MAPK8IP1: variants seen among roughly 807,000 people sequenced by gnomAD.
MAPK8IP1 encodes C-Jun-amino-terminal kinase-interacting protein 1.
MAPK8IP1 carries 17 observed loss-of-function variants against 72.6 expected under a neutral mutation model. The ratio of observed to expected loss-of-function variants is 0.23; its 90% confidence interval spans 0.16 to 0.35. MAPK8IP1 has a LOEUF of 0.35. Among genes scored for constraint, MAPK8IP1 ranks in the 10% least tolerant of loss-of-function variants. The pLI is 1.00. For missense variants in MAPK8IP1, 789 were observed against 1,009.7 expected (o/e 0.78, Z 2.96); for synonymous variants, 401 against 443.4 (o/e 0.90, Z 1.20).
chr11:45,898,384 T>A (rs1176076897), intron 2 of MAPK8IP1, among the ~76,000 whole-genome samples, 194 bp downstream of exon 2: 2 of 152,116 alleles, frequency 1.3e-5, no homozygotes, highest in Non-Finnish European at 1.5e-5. Context: ...TTTGGTATTA[T>A]TATTATTATT....
chr11:45,902,619 C>G lies in MAPK8IP1; in HGVS notation c.852C>G (p.Thr284=), dbSNP rs1210619431. 6.2e-7 allele frequency: 1 copy of G among 1,612,866 alleles called. No homozygotes were observed. The highest frequency in any genetic ancestry group is 1.7e-5 in the Admixed American group (1 of 60,006). ...AGGCCACTGAGGAGATCTACCTGAC[C>G]CCAGTGCAGAGGCCCCCAGACGCTG... ...RLEATEEIYL[T]PVQRPPDAAE... is the part of the protein sequence containing the mutation. Residue 284 remains threonine, a synonymous_variant, in exon 5 of 12, where the codon ACC becomes ACG. Coordinates refer to ENST00000241014, the MANE Select transcript of MAPK8IP1 (RefSeq NM_005456.4). This position sits in a 1 kb window ranked among gnomAD's most constrained non-coding sequence, Gnocchi z 9.3.
chr11:45,904,627 T>G lies in MAPK8IP1; in HGVS notation c.1776+63T>G. The G allele has an allele frequency of 6.3e-7, 1 of 1,594,022 alleles. No homozygotes were observed. Among genetic ancestry groups the G allele is most frequent in the Non-Finnish European group, 8.6e-7 (1 of 1,162,030 alleles). ...TCCCTGGGGCAGAGGGACGCAGGTG[T>G]CTAGAGGCAGTAAAGGGCTCAGGCC... is the stretch of plus-strand genomic sequence containing the variant. On this transcript the variant is annotated intron_variant, in intron 8 of 11. Coordinates refer to ENST00000241014, the MANE Select transcript of MAPK8IP1 (RefSeq NM_005456.4). This position sits in a 1 kb window ranked among gnomAD's most constrained non-coding sequence, Gnocchi z 6.4.
At chr11:45,893,091 A>T (rs866858942) in intron 1 of MAPK8IP1, among the ~76,000 whole-genome samples, 2 of 152,192 alleles carry the variant, frequency 1.3e-5, no homozygotes, top group African/African-American at 4.8e-5. Flanking sequence ...CCTCCTCACC[A>T]CAGCACAGCC....
intron 1 of MAPK8IP1, chr11:45,896,595 C>G: frequency 2.3e-6 from 3 of 1,295,774 alleles, no homozygotes; most frequent in Non-Finnish European, 2.0e-6. Context: ...ACAGCGGCAG[C>G]AGCGCAAGGG....
rs1235866629 is a variant in MAPK8IP1, at chr11:45,896,599, G to A, written c.102-1486G>A. ...GGGAGGCGGCCACAGCGGCAGCAGC[G>A]CAAGGGCCAGGCCAGCCGGGAGGAA... On this transcript the variant is annotated intron_variant, in intron 1 of 11. Coordinates refer to ENST00000241014, the MANE Select transcript of MAPK8IP1 (RefSeq NM_005456.4). 3.6e-5 allele frequency: 47 copies of A among 1,312,718 alleles called. No individual in the cohort carries two copies. The South Asian group carries it at 4.8e-4, about 13-fold the overall frequency. The allele number at this position is 1,312,718 out of a possible 1,614,324, so 81.3% of individuals were successfully genotyped here.
At chr11:45,886,122 G>A (rs1456328179) in intron 1 of MAPK8IP1, among the ~76,000 whole-genome samples, 1 of 152,216 alleles carries the variant, frequency 6.6e-6, no homozygotes, top group Non-Finnish European at 1.5e-5. Flanking sequence ...GCATGTTCAC[G>A]AGGCTGTTCC....
intron 1 of MAPK8IP1, chr11:45,897,066 C>T (rs1319161969): frequency 9.0e-7 from 1 of 1,106,074 alleles, no homozygotes; most frequent in Non-Finnish European, 1.3e-6. Flanking sequence ...CCTAGGTTCC[C>T]CTGGGGGCTA....
At chr11:45,896,971 C>T (rs1161440281) in intron 1 of MAPK8IP1, 108 of 1,559,552 alleles carry the variant, frequency 6.9e-5, no homozygotes, top group Non-Finnish European at 8.8e-5. Context: ...CCGGGGCTGG[C>T]GGGGGTGGAG....
chr11:45,900,598 T>C lies in MAPK8IP1; in HGVS notation c.522+146T>C. ...AGGGGCCGCGGTGGCTCGCTCCCGG[T>C]GTTGGGATCCGAGGAGCGGGCAGAA... On this transcript the variant is annotated intron_variant, in intron 3 of 11. Coordinates refer to ENST00000241014, the MANE Select transcript of MAPK8IP1 (RefSeq NM_005456.4). The surrounding 1 kb of genome is among the most constrained non-coding windows in gnomAD (Gnocchi z 6.5). 1 of 923,330 alleles carries C rather than the reference T, an allele frequency of 1.1e-6. No homozygotes were observed. The highest frequency in any genetic ancestry group is 1.6e-6 in the Non-Finnish European group (1 of 632,172). 57.2% of individuals were successfully genotyped at this position (923,330 alleles called of 1,614,324 possible). A position where few individuals can be genotyped will look rare whatever the true frequency, so the allele number is the denominator to read the frequency against.
intron 3 of MAPK8IP1, among the ~76,000 whole-genome samples, chr11:45,901,561 C>G (rs1232262081): frequency 6.6e-6 from 1 of 152,170 alleles, no homozygotes; most frequent in Non-Finnish European, 1.5e-5. Context: ...AGAGAGTCAC[C>G]TGTCTCTGAC....
intron 1 of MAPK8IP1, 118 bp downstream of exon 1, chr11:45,886,039 G>A: frequency 1.7e-6 from 1 of 577,800 alleles, no homozygotes; most frequent in Non-Finnish European, 2.7e-6. Flanking sequence ...GGCTGCGTGG[G>A]AGTGGGGTCT....
intron 1 of MAPK8IP1, chr11:45,896,776 G>A (rs947719579): frequency 1.3e-6 from 2 of 1,520,526 alleles, no homozygotes; most frequent in Non-Finnish European, 1.8e-6. Context: ...AGCGGTGGAG[G>A]CCAGAGGCCC....
intron 1 of MAPK8IP1, among the ~76,000 whole-genome samples, chr11:45,891,717 G>C (rs1000265916): frequency 3.9e-5 from 6 of 152,176 alleles, no homozygotes; most frequent in Admixed American, 3.3e-4. Context: ...GGAGACCACT[G>C]GATCATATAT....
Position 45,900,113 on chromosome 11 carries a change from T to C in MAPK8IP1, c.208-25T>C. The C allele has an allele frequency of 1.7e-6, 2 of 1,199,614 alleles. No homozygotes were observed. The highest frequency in any genetic ancestry group is 4.1e-5 in the South Asian group (1 of 24,566). The allele number at this position is 1,199,614 out of a possible 1,614,324, so 74.3% of individuals were successfully genotyped here. On this transcript the variant is annotated intron_variant, in intron 2 of 11. Coordinates refer to ENST00000241014, the MANE Select transcript of MAPK8IP1 (RefSeq NM_005456.4). The surrounding 1 kb of genome is among the most constrained non-coding windows in gnomAD (Gnocchi z 6.5). ...TCGGCCCCGCCCCGGCCCCGCCCCC[T>C]GACGCCCCTCCGTGCGCTGTGCAGC...
intron 1 of MAPK8IP1, chr11:45,896,893 T>C: frequency 6.4e-6 from 10 of 1,561,458 alleles, no homozygotes; most frequent in Non-Finnish European, 8.7e-6. Context: ...CAGCTGGTGC[T>C]GAAGATGGAT....
Position 45,903,378 on chromosome 11 carries a change from C to G in MAPK8IP1, c.1431C>G (p.Phe477Leu). The part of the protein sequence containing the change: ...GRSRSSSAES[F>L]GLFSCIINGE... ...CCTCACCTGCAGGTGCTGAGTCCTT[C>G]GGGCTGTTCTCCTGCATCATCAACG... is the stretch of plus-strand genomic sequence containing the variant. Residue 477 changes from phenylalanine (F) to leucine (L), a missense_variant, in exon 6 of 12, where the codon TTC (phenylalanine) becomes TTG (leucine). Phe to Leu is a conservative substitution (Grantham distance 22). Transcript: ENST00000241014. This position sits in a 1 kb window ranked among gnomAD's most constrained non-coding sequence, Gnocchi z 6.4. The G allele has an allele frequency of 6.2e-7, 1 of 1,613,772 alleles. No individual in the cohort carries two copies. Among genetic ancestry groups the G allele is most frequent in the Non-Finnish European group, 8.5e-7 (1 of 1,179,992 alleles).
chr11:45,896,823 C>A (rs892500439), intron 1 of MAPK8IP1: 1 of 1,546,322 alleles, frequency 6.5e-7, no homozygotes, highest in Non-Finnish European at 8.7e-7. Context: ...CCCACCCTTC[C>A]GGGCATGAGA....
At chr11:45,901,715 T>C (rs1483979829) in intron 3 of MAPK8IP1, among the ~76,000 whole-genome samples, 1 of 152,164 alleles carries the variant, frequency 6.6e-6, no homozygotes, top group Non-Finnish European at 1.5e-5. Context: ...ACCACCTTTG[T>C]TAAGGCTGAT....
At chr11:45,897,025 G>T in intron 1 of MAPK8IP1, 1 of 1,482,256 alleles carries the variant, frequency 6.7e-7, no homozygotes. Context: ...TCTCTGATCT[G>T]AATGAGGCGA....
Sources: gnomAD v4.1 joint callset for allele counts (sites outside exome capture counted in the v4.1 genomes callset) on GRCh38, gnomAD v4.1.1 for gene constraint, Gnocchi (gnomAD v3.1) non-coding constraint, MANE v1.5 for transcripts, NCBI Gene and HGNC (gene_info 2026-07-23, HGNC 2026-07-21) for gene names.